Variants in NRXN3 observed in about 807,000 individuals in gnomAD.
NRXN3 encodes the protein neurexin 3.
Under a neutral mutation model 137.6 loss-of-function variants are expected in NRXN3, and 32 were observed. That is an observed-to-expected ratio of 0.23 (90% CI 0.18 to 0.31). The LOEUF (loss-of-function observed/expected upper bound fraction) is 0.31. Among genes scored for constraint, NRXN3 ranks in the 10% least tolerant of loss-of-function variants. The pLI is 1.00. For synonymous variants in NRXN3, 798 were observed against 784.5 expected (o/e 1.02, Z -0.29); for missense variants, 1,574 against 2,062.5 (o/e 0.76, Z 4.59).
intron 16 of NRXN3, among the ~76,000 whole-genome samples, chr14:79,569,141 C>T (rs1261710494): frequency 6.6e-6 from 1 of 151,982 alleles, no homozygotes; most frequent in Admixed American, 6.6e-5. Flanking sequence ...TGTGTAGCTA[C>T]TTGTCTAACT....
intron 19 of NRXN3, among the ~76,000 whole-genome samples, chr14:79,785,928 CTG>C (rs1027303431): frequency 6.6e-6 from 1 of 151,852 alleles, no homozygotes; most frequent in Non-Finnish European, 1.5e-5. Flanking sequence ...TAAATAACCA[CTG>C]TGTCAAGACC....
intron 1 of NRXN3, among the ~76,000 whole-genome samples, chr14:78,223,720 G>A (rs2153427404): frequency 6.6e-6 from 1 of 152,304 alleles, no homozygotes; most frequent in South Asian, 2.1e-4. Flanking sequence ...GGGGACAAAG[G>A]GACTGGCTTA....
intron 2 of NRXN3, among the ~76,000 whole-genome samples, chr14:78,246,955 A>T (rs541916563): frequency 3.9e-5 from 6 of 152,310 alleles, no homozygotes; most frequent in Non-Finnish European, 8.8e-5. Flanking sequence ...TCTTGTCTCA[A>T]TTTGCAGTCT....
At chr14:78,193,378 C>G (rs4903722) in intron 1 of NRXN3, among the ~76,000 whole-genome samples, 50,891 of 151,802 alleles carry the variant, frequency 0.34, 8,913 homozygotes, top group African/African-American at 0.44. Flanking sequence ...GGTAGGGGAG[C>G]CTGGAAAAGC....
intron 15 of NRXN3, among the ~76,000 whole-genome samples, chr14:79,404,153 CAGAGT>C (rs1173420130): frequency 1.3e-5 from 2 of 152,148 alleles, no homozygotes; most frequent in Non-Finnish European, 2.9e-5. Context: ...AAACTATCAA[CAGAGT>C]AAAGAGACAA....
At chr14:78,964,939 C>T (rs773838455) in intron 11 of NRXN3, among the ~76,000 whole-genome samples, 2 of 152,036 alleles carry the variant, frequency 1.3e-5, no homozygotes, top group Non-Finnish European at 2.9e-5. Flanking sequence ...ACGCTTTAAG[C>T]ATGAAAGGGA....
intron 15 of NRXN3, among the ~76,000 whole-genome samples, chr14:79,026,616 T>A (rs2099598434): frequency 6.6e-6 from 1 of 152,092 alleles, no homozygotes; most frequent in Non-Finnish European, 1.5e-5. Flanking sequence ...GTAACGGAAC[T>A]GCAGGAGTGT....
chr14:79,493,265 T>C (rs1256390000), intron 16 of NRXN3, among the ~76,000 whole-genome samples: 2 of 152,192 alleles, frequency 1.3e-5, no homozygotes, highest in East Asian at 3.9e-4. Context: ...GAGAGATTTC[T>C]TTTCTTCCCC....
At chr14:78,420,443 A>G (rs946071909) in intron 4 of NRXN3, among the ~76,000 whole-genome samples, 1 of 152,160 alleles carries the variant, frequency 6.6e-6, no homozygotes, top group Admixed American at 6.5e-5. Context: ...AATAAAATTT[A>G]TCTTTTTCAT....
At chr14:78,314,976 T>G (rs866756789) in intron 4 of NRXN3, among the ~76,000 whole-genome samples, 1 of 88,930 alleles carries the variant, frequency 1.1e-5, no homozygotes, top group African/African-American at 5.5e-5. Context: ...CCTTCCTTCC[T>G]TCCTTCCTTC....
rs1455137516 is a variant in NRXN3, at chr14:79,692,232, C to T, written c.3676C>T (p.Arg1226Trp). 7.5e-6 allele frequency: 12 copies of T among 1,609,334 alleles called. No individual in the cohort carries two copies. Among genetic ancestry groups the T allele is most frequent in the South Asian group, 1.1e-5 (1 of 90,294 alleles). The change falls in exon 18 of 21, where the codon CGG becomes TGG. Residue 1226 changes from arginine (R) to tryptophan (W), a missense_variant. Around this residue, in one of 5 missense-constraint regions of NRXN3, gnomAD observed 133 missense variants for 241.8 expected, o/e 0.55. Coordinates refer to ENST00000335750, the MANE Select transcript of NRXN3 (RefSeq NM_001330195.2). ...VKQKIPFKYN[R>W]PVEEWLQEKG... ...ACAGAAAATCCCCTTCAAATATAAT[C>T]GGCCTGTAGAGGAGTGGCTGCAGGA...
intron 10 of NRXN3, among the ~76,000 whole-genome samples, chr14:78,886,437 A>T (rs917280699): frequency 6.6e-6 from 1 of 152,024 alleles, no homozygotes; most frequent in Non-Finnish European, 1.5e-5. Flanking sequence ...GATCAAACAC[A>T]TATTCTCTGC....
intron 15 of NRXN3, among the ~76,000 whole-genome samples, chr14:79,134,040 A>G (rs1171259639): frequency 6.6e-6 from 1 of 152,166 alleles, no homozygotes; most frequent in Non-Finnish European, 1.5e-5. Flanking sequence ...CCGTATCTCC[A>G]TCTTCAGAGA....
chr14:78,586,986 C>T (rs1385902291), intron 4 of NRXN3, among the ~76,000 whole-genome samples: 5 of 152,120 alleles, frequency 3.3e-5, no homozygotes, highest in Non-Finnish European at 5.9e-5. Flanking sequence ...CACTGAGGCC[C>T]GGGACATTTT....
At chr14:79,715,228 C>T (rs1603448046) in intron 19 of NRXN3, among the ~76,000 whole-genome samples, 1 of 152,156 alleles carries the variant, frequency 6.6e-6, no homozygotes, top group African/African-American at 2.4e-5. Flanking sequence ...GCTGGGATTA[C>T]AGGCGTGAGC....
At chr14:78,704,723 A>T (rs1471136775) in intron 6 of NRXN3, among the ~76,000 whole-genome samples, 2 of 152,164 alleles carry the variant, frequency 1.3e-5, no homozygotes, top group Non-Finnish European at 2.9e-5. Context: ...AGCCTACATG[A>T]TCTTGGGCAA....
chr14:79,660,379 A>G (rs1042832544), intron 16 of NRXN3, among the ~76,000 whole-genome samples: 2 of 152,150 alleles, frequency 1.3e-5, no homozygotes, highest in African/African-American at 4.8e-5. Flanking sequence ...GCACGGCCAC[A>G]TTTACCATTG....
At chr14:79,573,174 C>A (rs1388763449) in intron 16 of NRXN3, among the ~76,000 whole-genome samples, 1 of 152,094 alleles carries the variant, frequency 6.6e-6, no homozygotes, top group Non-Finnish European at 1.5e-5. Flanking sequence ...GTCCATGTAT[C>A]TTTGACTCAA....
intron 19 of NRXN3, among the ~76,000 whole-genome samples, chr14:79,743,226 C>T (rs1023580697): frequency 2.0e-5 from 3 of 152,132 alleles, no homozygotes; most frequent in African/African-American, 7.2e-5. Flanking sequence ...TCAAGGAGCA[C>T]ATGCTAGAGG....
Sources: gnomAD v4.1 joint callset for allele counts (sites outside exome capture counted in the v4.1 genomes callset) on GRCh38, gnomAD v4.1.1 for gene constraint, gnomAD v4.1.1 regional missense constraint, MANE v1.5 for transcripts, NCBI Gene and HGNC (gene_info 2026-07-23, HGNC 2026-07-21) for gene names.